Variants in GRM8 observed in about 807,000 individuals in gnomAD.
The protein encoded by GRM8 is glutamate metabotropic receptor 8.
In GRM8, 47 loss-of-function variants were observed where a neutral mutation model predicts 87.2. That is an observed-to-expected ratio of 0.54 (90% confidence interval 0.43 to 0.69). The LOEUF (loss-of-function observed/expected upper bound fraction) is 0.69, where lower values mean the gene tolerates loss of function less well. GRM8 is among the 30% of genes least tolerant of loss of function. GRM8 has a pLI of 0.00. For missense variants in GRM8, 1,019 were observed against 1,139.2 expected, an observed-to-expected ratio of 0.89 and a Z score of 1.52; for synonymous variants, 396 against 404.5, an observed-to-expected ratio of 0.98 and a Z score of 0.25.
intron 7 of GRM8, among the ~76,000 whole-genome samples, chr7:126,682,642 T>C (rs148682652): frequency 1.3e-5 from 2 of 152,348 alleles, no homozygotes; most frequent in East Asian, 3.9e-4. Flanking sequence ...GCCTCACCCA[T>C]TCATTTACCT....
chr7:126,835,807 G>T (rs1795784011), intron 6 of GRM8, among the ~76,000 whole-genome samples: 1 of 152,178 alleles, frequency 6.6e-6, no homozygotes, highest in Non-Finnish European at 1.5e-5. Context: ...TCAAAGGACA[G>T]AAGTGTAGGT....
chr7:126,762,566 A>T (rs1326469843), intron 7 of GRM8, among the ~76,000 whole-genome samples: 1 of 152,186 alleles, frequency 6.6e-6, no homozygotes, highest in South Asian at 2.1e-4. Context: ...TTTCTGAATA[A>T]ATCTGTATTC....
chr7:126,763,472 T>TATACACAC (rs1479649712), intron 7 of GRM8, among the ~76,000 whole-genome samples: 2 of 78,348 alleles, frequency 2.6e-5, no homozygotes, highest in Non-Finnish European at 5.0e-5. Context: ...TATATATATA[T>TATACACAC]ACACACACAC....
chr7:126,586,290 C>A (rs907795323), intron 8 of GRM8, among the ~76,000 whole-genome samples: 2 of 152,186 alleles, frequency 1.3e-5, no homozygotes, highest in African/African-American at 4.8e-5. Flanking sequence ...CCATCTCCAT[C>A]AAGCTACCAA....
intron 7 of GRM8, among the ~76,000 whole-genome samples, chr7:126,718,088 T>A (rs1384625437): frequency 2.0e-5 from 3 of 151,734 alleles, no homozygotes; most frequent in Admixed American, 1.3e-4. Context: ...ATACAAAAAA[T>A]TAGCAGGGCG....
chr7:126,579,120 C>T (rs1795375686), intron 8 of GRM8, among the ~76,000 whole-genome samples: 1 of 152,116 alleles, frequency 6.6e-6, no homozygotes, highest in African/African-American at 2.4e-5. Flanking sequence ...AAAAGAAAGA[C>T]ACAAAAGTTA....
At chr7:127,221,767 T>C (rs534353454) in intron 2 of GRM8, among the ~76,000 whole-genome samples, 1 of 152,226 alleles carries the variant, frequency 6.6e-6, no homozygotes, top group Non-Finnish European at 1.5e-5. Flanking sequence ...AGTGCTCAAA[T>C]GGCCTCCATG....
intron 2 of GRM8, among the ~76,000 whole-genome samples, chr7:127,117,156 A>T (rs1166057920): frequency 6.6e-6 from 1 of 152,214 alleles, no homozygotes; most frequent in East Asian, 1.9e-4. Flanking sequence ...AAAATAAGTG[A>T]TTGAAAAGTA....
intron 3 of GRM8, among the ~76,000 whole-genome samples, chr7:126,910,377 T>C (rs1803162697): frequency 6.6e-6 from 1 of 152,192 alleles, no homozygotes; most frequent in African/African-American, 2.4e-5. Flanking sequence ...CATGTATCAC[T>C]GCGTTTGGTA....
At chr7:127,126,690 A>T (rs1319414666) in intron 2 of GRM8, among the ~76,000 whole-genome samples, 1 of 152,012 alleles carries the variant, frequency 6.6e-6, no homozygotes, top group Non-Finnish European at 1.5e-5. Flanking sequence ...TGAGGTAAAG[A>T]TGTTTAGAAA....
At chr7:126,870,935 G>C (rs1419964847) in intron 6 of GRM8, among the ~76,000 whole-genome samples, 1 of 152,128 alleles carries the variant, frequency 6.6e-6, no homozygotes, top group Non-Finnish European at 1.5e-5. Context: ...GCATATGAAA[G>C]AGCTGCACTC....
intron 7 of GRM8, among the ~76,000 whole-genome samples, chr7:126,763,462 TATATATATATACACAC>T (rs1361586519): frequency 1.8e-3 from 119 of 64,422 alleles, no homozygotes; most frequent in African/African-American, 4.6e-3. Flanking sequence ...TATATATATA[TATATATATATACACAC>T]ACACACACAC....
chr7:126,662,508 T>C (rs569958383), intron 7 of GRM8, among the ~76,000 whole-genome samples: 1 of 152,284 alleles, frequency 6.6e-6, no homozygotes, highest in East Asian at 1.9e-4. Context: ...ATTTCAATTT[T>C]TCTTCTGCAA....
intron 7 of GRM8, among the ~76,000 whole-genome samples, chr7:126,738,715 G>C (rs980250472): frequency 2.0e-5 from 3 of 149,040 alleles, no homozygotes; most frequent in Non-Finnish European, 4.5e-5. Context: ...GGGGGTTGGG[G>C]GATGCAGAAA....
At chr7:126,688,588 G>C (rs879461682) in intron 7 of GRM8, among the ~76,000 whole-genome samples, 2 of 152,154 alleles carry the variant, frequency 1.3e-5, no homozygotes, top group Admixed American at 1.3e-4. Flanking sequence ...ATGGCAATGA[G>C]AGTGAGTTTA....
intron 8 of GRM8, among the ~76,000 whole-genome samples, chr7:126,580,075 C>T (rs1795470047): frequency 1.3e-5 from 2 of 151,700 alleles, no homozygotes; most frequent in South Asian, 4.2e-4. Context: ...CATGCCTATT[C>T]ACTAATAATT....
At chr7:126,990,137 C>T (rs1812506190) in intron 3 of GRM8, among the ~76,000 whole-genome samples, 1 of 152,002 alleles carries the variant, frequency 6.6e-6, no homozygotes, top group African/African-American at 2.4e-5. Context: ...ATTTAATATC[C>T]ATTGCCTCAG....
At chr7:126,610,739 C>T (rs1169673860) in intron 7 of GRM8, among the ~76,000 whole-genome samples, 1 of 152,184 alleles carries the variant, frequency 6.6e-6, no homozygotes, top group African/African-American at 2.4e-5. Context: ...ATCAGAGTCA[C>T]ATAACAACAA....
intron 6 of GRM8, among the ~76,000 whole-genome samples, chr7:126,806,043 G>A (rs1792652356): frequency 6.6e-6 from 1 of 152,192 alleles, no homozygotes; most frequent in South Asian, 2.1e-4. Context: ...AGCCTACTGT[G>A]TCCAGAATTG....
Sources: allele counts gnomAD v4.1 joint callset (sites outside exome capture counted in the v4.1 genomes callset), GRCh38; gene constraint gnomAD v4.1.1; transcripts MANE v1.5; gene names NCBI Gene and HGNC (gene_info 2026-07-23, HGNC 2026-07-21).